Variants in MYO1E observed in about 807,000 individuals in gnomAD.
MYO1E encodes myosin IE.
A neutral mutation model predicts 151.1 loss-of-function variants in MYO1E; 68 were observed. The ratio of observed to expected loss-of-function variants is 0.45; its 90% CI spans 0.37 to 0.55. MYO1E has a LOEUF of 0.55. MYO1E is among the 20% of genes least tolerant of loss of function. The pLI, the probability that MYO1E is intolerant of heterozygous loss-of-function variation, is 0.00. For missense variants in MYO1E, 1,363 were observed against 1,389.3 expected (o/e 0.98, Z 0.30); for synonymous variants, 601 against 501.7 (o/e 1.20, Z -2.64).
intron 1 of MYO1E, among the ~76,000 whole-genome samples, chr15:59,366,106 A>G (rs2080911368): frequency 6.6e-6 from 1 of 151,914 alleles, no homozygotes; most frequent in Non-Finnish European, 1.5e-5. Flanking sequence ...CAGCCTCCCA[A>G]GTAGCTGCGA....
In MYO1E at chr15:59,372,731, C is replaced by T. The variant is rs539029563; in HGVS notation, c.-231G>A. On this transcript the variant is annotated 5_prime_UTR_variant, in exon 1 of 28. Transcript: ENST00000288235. ...GGCGACTTAGCAGGCGGGGCGCATG[C>T]TGCGGAGGGCAAGAGTCCACTCGTA... 547 of 577,536 alleles carry T rather than the reference C, an allele frequency of 9.5e-4. 4 individuals are homozygous for T. Among genetic ancestry groups the T allele is most frequent in the African/African-American group, 5.7e-3 (295 of 51,340 alleles). The allele number at this position is 577,536 out of a possible 1,614,324, so 35.8% of individuals were successfully genotyped here.
intron 1 of MYO1E, among the ~76,000 whole-genome samples, chr15:59,351,503 T>G (rs1303975385): frequency 6.6e-6 from 1 of 152,160 alleles, no homozygotes; most frequent in Non-Finnish European, 1.5e-5. Context: ...GTAATGCATT[T>G]TGGTCTTTAG....
intron 10 of MYO1E, among the ~76,000 whole-genome samples, chr15:59,216,592 G>GTATCTA (rs55698726): frequency 0.25 from 25,622 of 101,770 alleles, 3,910 homozygotes; most frequent in Non-Finnish European, 0.33. Context: ...GTGTGTGTGT[G>GTATCTA]TGTATCTATC....
At chr15:59,312,480 G>A (rs1378292324) in intron 1 of MYO1E, among the ~76,000 whole-genome samples, 2 of 152,156 alleles carry the variant, frequency 1.3e-5, no homozygotes, top group Non-Finnish European at 2.9e-5. Context: ...CACTACTGCT[G>A]TGAAAAACCT....
chr15:59,247,093 G>T (rs1345782518), intron 4 of MYO1E, among the ~76,000 whole-genome samples: 6 of 152,336 alleles, frequency 3.9e-5, no homozygotes, highest in Middle Eastern at 3.4e-3. Flanking sequence ...CTACTCGCGA[G>T]GCTGAGGTGG....
chr15:59,314,718 T>TAG (rs2080575199), intron 1 of MYO1E, among the ~76,000 whole-genome samples: 1 of 152,126 alleles, frequency 6.6e-6, no homozygotes, highest in Non-Finnish European at 1.5e-5. Context: ...TACTGGTATC[T>TAG]AGTGAGTGGA....
At chr15:59,208,880 A>C in intron 13 of MYO1E, 32 bp from the exon 14 acceptor site, 1 of 1,613,314 alleles carries the variant, frequency 6.2e-7, no homozygotes, top group East Asian at 2.2e-5. Flanking sequence ...GGCCCTAGTC[A>C]CTGACCTCTC....
At chr15:59,232,211 T>C (rs1403675641) in intron 5 of MYO1E, among the ~76,000 whole-genome samples, 1 of 152,306 alleles carries the variant, frequency 6.6e-6, no homozygotes, top group East Asian at 1.9e-4. Flanking sequence ...TCCACCTGCT[T>C]CACTGCAAGT....
chr15:59,298,889 G>A (rs536248035), intron 1 of MYO1E, among the ~76,000 whole-genome samples: 1 of 152,266 alleles, frequency 6.6e-6, no homozygotes, highest in Non-Finnish European at 1.5e-5. Flanking sequence ...TGCCACCTGG[G>A]ATAACCATTA....
chr15:59,145,795 C>T (rs781524104), intron 26 of MYO1E, among the ~76,000 whole-genome samples: 9 of 152,174 alleles, frequency 5.9e-5, no homozygotes, highest in Non-Finnish European at 1.0e-4. Flanking sequence ...TTCCCAACTC[C>T]GCACTCAGTA....
chr15:59,358,555 T>C (rs897274295), intron 1 of MYO1E, among the ~76,000 whole-genome samples: 2 of 152,160 alleles, frequency 1.3e-5, no homozygotes, highest in Admixed American at 6.5e-5. Context: ...TTCTAGATCA[T>C]AGAAACAAAG....
chr15:59,261,935 C>T (rs1257600299), intron 2 of MYO1E, among the ~76,000 whole-genome samples: 2 of 152,268 alleles, frequency 1.3e-5, no homozygotes, highest in East Asian at 1.9e-4. Context: ...GGCGTGATGG[C>T]TCATGCCTGT....
intron 3 of MYO1E, among the ~76,000 whole-genome samples, chr15:59,259,262 T>C (rs1242761171): frequency 6.6e-6 from 1 of 152,226 alleles, no homozygotes; most frequent in Non-Finnish European, 1.5e-5. Context: ...GACTCTAGGT[T>C]ACTTTTTGTA....
intron 1 of MYO1E, among the ~76,000 whole-genome samples, chr15:59,306,431 T>C (rs1447165043): frequency 4.6e-5 from 7 of 152,238 alleles, no homozygotes; most frequent in African/African-American, 1.7e-4. Flanking sequence ...TATGTTTTAA[T>C]GAGCATTTAA....
Position 59,171,991 on chromosome 15 carries a change from G to A in MYO1E, c.2386C>T (p.Arg796Ter), listed in dbSNP as rs2079597892. 11 of 1,613,986 alleles carry A rather than the reference G, an allele frequency of 6.8e-6. No homozygotes were observed. The highest frequency in any genetic ancestry group is 1.3e-5 in the African/African-American group (1 of 74,890). Residue 796 changes from arginine (R) to a stop codon, truncating the protein, a stop_gained, in exon 22 of 28, where the codon CGA (arginine) becomes TGA (stop). Coordinates refer to ENST00000288235, the MANE Select transcript of MYO1E (RefSeq NM_004998.4). LOFTEE classifies it high-confidence loss of function. ...TCTGGGCCCTGTTTGACTTTTTCTC[G>A]TCCGATTAAGTACAAGCACTTTGGG... ...LTPKCLYLIG[R>*]EKVKQGPDKG... is the part of the protein sequence containing the mutation.
At chr15:59,206,643 C>G (rs2079835910) in intron 14 of MYO1E, 3 of 382,654 alleles carry the variant, frequency 7.8e-6, no homozygotes, top group Admixed American at 4.2e-5. Flanking sequence ...ACTAGTAATT[C>G]CAGGGATCTC....
intron 2 of MYO1E, among the ~76,000 whole-genome samples, chr15:59,263,970 C>T (rs768418637): frequency 5.9e-5 from 9 of 152,078 alleles, no homozygotes; most frequent in East Asian, 1.9e-4. Flanking sequence ...CTCAATAAGG[C>T]GTCATAAAAT....
chr15:59,231,580 C>G (rs932621519), intron 6 of MYO1E, 122 bp downstream of exon 6: 4 of 1,061,852 alleles, frequency 3.8e-6, no homozygotes, highest in Non-Finnish European at 5.8e-6. Flanking sequence ...AAGGAAAGAT[C>G]GAAGAGGTGG....
At chr15:59,309,119 ATAAAT>A (rs2080534139) in intron 1 of MYO1E, among the ~76,000 whole-genome samples, 1 of 152,154 alleles carries the variant, frequency 6.6e-6, no homozygotes, top group South Asian at 2.1e-4. Context: ...GTCTCTAAAA[ATAAAT>A]TAAAAGAAAA....
Sources: gnomAD v4.1 joint callset for allele counts (sites outside exome capture counted in the v4.1 genomes callset) on GRCh38, gnomAD v4.1.1 for gene constraint, MANE v1.5 for transcripts, NCBI Gene and HGNC (gene_info 2026-07-23, HGNC 2026-07-21) for gene names.